TSC2: variants seen among roughly 807,000 people sequenced by gnomAD.
TSC2 encodes TSC complex subunit 2, also known as tuberin.
Under a neutral mutation model 202.2 loss-of-function variants are expected in TSC2, and 29 were observed. That is an observed-to-expected ratio of 0.14 (90% CI 0.11 to 0.20). The LOEUF (loss-of-function observed/expected upper bound fraction) is 0.20. Ranked by LOEUF, TSC2 falls within the 10% of genes least tolerant of loss-of-function variation. The pLI, the probability that TSC2 is intolerant of heterozygous loss-of-function variation, is 1.00. For missense variants in TSC2, 2,429 were observed against 2,420.0 expected (o/e 1.00, Z -0.08); for synonymous variants, 1,349 against 1,044.0 (o/e 1.29, Z -5.63).
chr16:2,082,183 A>G (rs2090226183), intron 31 of TSC2: 3 of 601,244 alleles, frequency 5.0e-6, no homozygotes, highest in Non-Finnish European at 8.9e-6. Context: ...GCTTCTCGCC[A>G]GGCCCTCTGG....
At chr16:2,076,740 CACCCCTCA>C (rs2063302618) in intron 25 of TSC2, 155 bp downstream of exon 25, 1 of 753,012 alleles carries the variant, frequency 1.3e-6, no homozygotes, top group East Asian at 2.7e-5. Context: ...GGGCCGCTAA[CACCCCTCA>C]GCCCCTCAGC....
At chr16:2,064,015 TTGTGGGCCCCG>T (rs1596310753) in intron 14 of TSC2, 2 of 559,776 alleles carry the variant, frequency 3.6e-6, no homozygotes, top group East Asian at 6.3e-5. Context: ...TCCTTGTGAG[TTGTGGGCCCCG>T]TGTCTGTGCC....
In TSC2 at chr16:2,089,061, C is replaced by A; in HGVS notation, c.*451C>A. ...CCTGGCCTGGGGCAAGGGAGGATGA[C>A]AAGGCCTCTGGGGTGATGAGAGTGC... On this transcript the variant is annotated 3_prime_UTR_variant, in exon 42 of 42. Coordinates refer to ENST00000219476, the MANE Select transcript of TSC2 (RefSeq NM_000548.5). 5.2e-6 allele frequency: 1 copy of A among 191,324 alleles called. No individual in the cohort carries two copies. The highest frequency in any genetic ancestry group is 1.1e-5 in the Non-Finnish European group (1 of 91,242). 11.9% of individuals were successfully genotyped at this position (191,324 alleles called of 1,614,324 possible).
rs45517323 is a variant in TSC2, at chr16:2,083,797, G to A, written c.3986G>A (p.Arg1329His). 3.6e-3 allele frequency: 5,847 copies of A among 1,611,334 alleles called. 119 individuals carry two copies. In the African/African-American group the frequency reaches 0.05, roughly 14 times the overall value. ...DVEAALGMDR[R>H]TDAYSRSSSV... is the part of the protein sequence containing the mutation. The stretch of plus-strand genomic sequence containing the variant: ...GAGGCAGCGCTAGGCATGGACAGGC[G>A]CACGGATGCCTACAGCAGGGTGAGT... The change falls in exon 33 of 42, where the codon CGC (arginine) becomes CAC (histidine). Residue 1329 changes from arginine (R) to histidine (H), a missense_variant. By Grantham distance (29) the Arg-to-His change is conservative. Coordinates refer to ENST00000219476, the MANE Select transcript of TSC2 (RefSeq NM_000548.5).
Position 2,076,178 on chromosome 16 carries a change from C to G in TSC2, c.2742+8C>G, listed in dbSNP as rs1596367157. 6.2e-7 allele frequency: 1 copy of G among 1,613,450 alleles called. No homozygotes were observed. The highest frequency in any genetic ancestry group is 8.5e-7 in the Non-Finnish European group (1 of 1,180,008). On this transcript the variant is annotated splice_region_variant and intron_variant, in intron 24 of 41. Coordinates refer to ENST00000219476, the MANE Select transcript of TSC2 (RefSeq NM_000548.5). ...GTCCCTTTCATCACTAAGGTGGGCT[C>G]AGGGCCGGTGAAGGCTGTGTCTCTC...
At chr16:2,064,165 G>A (rs1249369915) in intron 14 of TSC2, 107 bp from the exon 15 acceptor site, 22 of 1,570,828 alleles carry the variant, frequency 1.4e-5, no homozygotes, top group Middle Eastern at 1.7e-4. Flanking sequence ...CTGAAGTCCC[G>A]AGGGACATGT....
chr16:2,088,004 G>A (rs1263177685), intron 39 of TSC2, 44 bp from the exon 40 acceptor site: 6 of 1,612,824 alleles, frequency 3.7e-6, no homozygotes, highest in Non-Finnish European at 4.2e-6. Context: ...CTGCAGTGTG[G>A]CGCCAAGAGC....
intron 38 of TSC2, 170 bp downstream of exon 38, chr16:2,087,041 C>A: frequency 3.0e-6 from 3 of 1,015,166 alleles, no homozygotes; most frequent in South Asian, 1.5e-5. Context: ...GCGTTGTGTC[C>A]TCTGTGCCCT....
At chr16:2,074,500 CCTT>C in intron 22 of TSC2, 111 bp downstream of exon 22, 1 of 1,341,138 alleles carries the variant, frequency 7.5e-7, no homozygotes, top group Non-Finnish European at 1.0e-6. Context: ...GGGTGTCTCG[CCTT>C]CTGCTGCCTC....
intron 11 of TSC2, chr16:2,061,282 G>A: frequency 3.4e-6 from 1 of 290,990 alleles, no homozygotes; most frequent in African/African-American, 2.2e-5. Flanking sequence ...CCTCAGGGCT[G>A]TGCCTTTTCC....
At position 2,065,630 on chromosome 16, in the gene TSC2, C is replaced by G; in HGVS notation, c.1711C>G (p.Leu571Val). 4 of 1,613,550 alleles carry G rather than the reference C, an allele frequency of 2.5e-6. No individual in the cohort carries two copies. The highest frequency in any genetic ancestry group is 3.4e-6 in the Non-Finnish European group (4 of 1,179,906). The change falls in exon 16 of 42, where the codon CTT (leucine) becomes GTT (valine). Residue 571 changes from leucine (L) to valine (V), a missense_variant. Transcript: ENST00000219476. ...AGCCGTCCTGGGGCTTCTGGTCATC[C>G]TTCAGGTGGGTGTTCTGCACGAGGC... Reference protein sequence around the residue: ...KTAVLGLLVILQTKLYTLPAS... With the variant: ...KTAVLGLLVIVQTKLYTLPAS...
At chr16:2,054,550 A>G in intron 5 of TSC2, 110 bp downstream of exon 5, 6 of 1,519,288 alleles carry the variant, frequency 3.9e-6, no homozygotes, top group Non-Finnish European at 5.4e-6. Flanking sequence ...GATGGCCTGC[A>G]GCGGGTATGC....
In TSC2 at chr16:2,055,061, G is replaced by C. The variant is rs2085599603; in HGVS notation, c.482-341G>C. ...ACACGTCTCCTCCGAGCCACTCTCT[G>C]CTGGGGGTGGGGAACGCCCAGGAGT... On this transcript the variant is annotated intron_variant, in intron 5 of 41. Transcript: ENST00000219476. 1.9e-5 allele frequency: 8 copies of C among 415,462 alleles called. No homozygotes were observed. The Admixed American group carries it at 2.9e-4, about 15-fold the overall frequency. The allele number at this position is 415,462 out of a possible 1,614,324, so 25.7% of individuals were successfully genotyped here.
intron 16 of TSC2, 106 bp from the exon 17 acceptor site, chr16:2,070,350 C>A (rs892269549): frequency 6.3e-7 from 1 of 1,591,346 alleles, no homozygotes; most frequent in Non-Finnish European, 8.6e-7. Flanking sequence ...TTTTGAAGCA[C>A]GCACTCTAGA....
chr16:2,079,484 G>A lies in TSC2; in HGVS notation c.3284+56G>A. Reference sequence around the variant, plus strand: ...CCAGCCTCGACACCGGCTGTCCCGAGCCCAGGCCCACGTGGCACCCTCGTA... The same window carrying A: ...CCAGCCTCGACACCGGCTGTCCCGAACCCAGGCCCACGTGGCACCCTCGTA... On this transcript the variant is annotated intron_variant, in intron 28 of 41. Transcript: ENST00000219476. The surrounding 1 kb of genome is among the most constrained non-coding windows in gnomAD (Gnocchi z 4.6). The A allele has an allele frequency of 6.2e-7, 1 of 1,610,164 alleles. No individual in the cohort carries two copies. The highest frequency in any genetic ancestry group is 8.5e-7 in the Non-Finnish European group (1 of 1,178,804).
intron 14 of TSC2, 88 bp downstream of exon 14, chr16:2,063,141 C>T (rs545857014): frequency 3.3e-5 from 49 of 1,476,976 alleles, no homozygotes; most frequent in Admixed American, 2.6e-4. Flanking sequence ...CCCGCAGAGC[C>T]GGGCTCTGCC....
Position 2,048,039 on chromosome 16 carries a change from G to C in TSC2, c.-56G>C. 6 of 1,429,854 alleles carry C rather than the reference G, an allele frequency of 4.2e-6. No homozygotes were observed. Among genetic ancestry groups the C allele is most frequent in the Non-Finnish European group, 5.5e-6 (6 of 1,099,164 alleles). 88.6% of individuals were successfully genotyped at this position (1,429,854 alleles called of 1,614,324 possible). A position where few individuals can be genotyped will look rare whatever the true frequency, so the allele number is the denominator to read the frequency against. The stretch of plus-strand genomic sequence containing the variant: ...GTGCGCCTTTCTCCGCGTCGGGGCG[G>C]CCCGGAGCGCGGTGGCGCGGCGCGG... On this transcript the variant is annotated 5_prime_UTR_variant, in exon 1 of 42. Coordinates refer to ENST00000219476, the MANE Select transcript of TSC2 (RefSeq NM_000548.5).
At position 2,077,471 on chromosome 16, in the gene TSC2, C is replaced by T. The variant is rs950010841; in HGVS notation, c.2838-127C>T. 55 of 1,429,576 alleles carry T rather than the reference C, an allele frequency of 3.8e-5. No individual in the cohort carries two copies. The highest frequency in any genetic ancestry group is 4.9e-5 in the Non-Finnish European group (51 of 1,034,712). The allele number at this position is 1,429,576 out of a possible 1,614,324, so 88.6% of individuals were successfully genotyped here. On this transcript the variant is annotated intron_variant, in intron 25 of 41. Transcript: ENST00000219476. Reference sequence around the variant, plus strand: ...GGCATGGCTCTTTTTGCTCATCTCACCCGCGGGATCTCTCCATCCTGACCC... The same window carrying T: ...GGCATGGCTCTTTTTGCTCATCTCATCCGCGGGATCTCTCCATCCTGACCC...
At position 2,048,607 on chromosome 16, in the gene TSC2, T is replaced by C; in HGVS notation, c.-9T>C. 2 of 1,613,820 alleles carry C rather than the reference T, an allele frequency of 1.2e-6. No individual in the cohort carries two copies. Among genetic ancestry groups the C allele is most frequent in the Non-Finnish European group, 1.7e-6 (2 of 1,180,036 alleles). On this transcript the variant is annotated 5_prime_UTR_variant, in exon 2 of 42. Transcript: ENST00000219476. ...CACAGAGGGGTTTTCTGGTGCGTCCTGGTCCACCATGGCCAAACCAACAAG... is the reference window on the plus strand; with the variant it reads ...CACAGAGGGGTTTTCTGGTGCGTCCCGGTCCACCATGGCCAAACCAACAAG...
Sources: allele counts gnomAD v4.1 joint callset, GRCh38; gene constraint gnomAD v4.1.1; non-coding constraint Gnocchi (gnomAD v3.1); transcripts MANE v1.5; gene names NCBI Gene and HGNC (gene_info 2026-07-23, HGNC 2026-07-21).